The following SLC25A17 variants were observed in gnomAD, a reference collection of about 807,000 sequenced individuals.
SLC25A17 encodes the protein solute carrier family 25 member 17, also known as peroxisomal membrane protein PMP34.
Under a neutral mutation model 38.5 loss-of-function variants are expected in SLC25A17, and 26 were observed. That is an observed-to-expected ratio of 0.68 (90% CI 0.50 to 0.94). SLC25A17 has a LOEUF of 0.94. Among genes scored for constraint, SLC25A17 ranks in the 40% least tolerant of loss-of-function variants. The probability of loss-of-function intolerance (pLI) is 0.00; values close to 1 mark genes in which losing one functional copy is unlikely to be tolerated. For missense variants in SLC25A17, 333 were observed against 372.7 expected (o/e 0.89, Z 0.88); for synonymous variants, 139 against 136.2 (o/e 1.02, Z -0.14).
intron 2 of SLC25A17, among the ~76,000 whole-genome samples, chr22:40,795,200 G>A (rs553794190): frequency 6.6e-6 from 1 of 152,274 alleles, no homozygotes; most frequent in South Asian, 2.1e-4. Context: ...AATTCCCACT[G>A]CAGATCCCTT....
At chr22:40,787,065 C>T (rs7284450) in intron 4 of SLC25A17, among the ~76,000 whole-genome samples, 3,605 of 152,218 alleles carry the variant, frequency 0.024, 121 homozygotes, top group African/African-American at 0.083. Flanking sequence ...AACACTAAGA[C>T]AGAGGTAGAT....
chr22:40,817,916 G>C (rs941839302), intron 1 of SLC25A17, among the ~76,000 whole-genome samples: 37 of 152,074 alleles, frequency 2.4e-4, no homozygotes, highest in African/African-American at 8.7e-4. Context: ...CTTCATGCTG[G>C]CTGAAAGGCT....
At chr22:40,800,250 A>G (rs890246544) in intron 1 of SLC25A17, among the ~76,000 whole-genome samples, 1 of 152,196 alleles carries the variant, frequency 6.6e-6, no homozygotes, top group African/African-American at 2.4e-5. Context: ...CCACAAACAT[A>G]TATTTAGGGA....
At chr22:40,778,964 A>G (rs1313272256) in intron 5 of SLC25A17, 45 bp downstream of exon 5, 2 of 1,502,882 alleles carry the variant, frequency 1.3e-6, no homozygotes, top group Admixed American at 1.7e-5. Context: ...AGATACAAAG[A>G]AGGAAGAAAA....
chr22:40,775,749 C>T (rs2057236726), intron 7 of SLC25A17, among the ~76,000 whole-genome samples: 1 of 152,118 alleles, frequency 6.6e-6, no homozygotes, highest in Non-Finnish European at 1.5e-5. Context: ...AGGCGTGAGC[C>T]ACCGCGCCCA....
chr22:40,775,709 C>T (rs954814308), intron 7 of SLC25A17, among the ~76,000 whole-genome samples: 9 of 151,660 alleles, frequency 5.9e-5, no homozygotes, highest in African/African-American at 1.7e-4. Flanking sequence ...ATGATCCACC[C>T]GCCTCGGCCT....
intron 4 of SLC25A17, among the ~76,000 whole-genome samples, chr22:40,787,020 T>A (rs2057344332): frequency 2.0e-5 from 3 of 152,138 alleles, no homozygotes; most frequent in African/African-American, 4.8e-5. Flanking sequence ...TAGCAAAAGA[T>A]GAAGAAGAAT....
Position 40,770,617 on chromosome 22 carries a change from G to C in SLC25A17, c.*217C>G. 1 of 380,334 alleles carries C rather than the reference G, an allele frequency of 2.6e-6. No homozygotes were observed. Among genetic ancestry groups the C allele is most frequent in the Admixed American group, 4.4e-5 (1 of 22,664 alleles). The allele number at this position is 380,334 out of a possible 1,614,324, so 23.6% of individuals were successfully genotyped here. A position where few individuals can be genotyped will look rare whatever the true frequency, so the allele number is the denominator to read the frequency against. On this transcript the variant is annotated 3_prime_UTR_variant, in exon 9 of 9. Coordinates refer to ENST00000435456, the MANE Select transcript of SLC25A17 (RefSeq NM_006358.4). ...TTTCAGCAATGTTTTTTTCACATTAGTCCAACTGCCACCCCAAAATCCAAC... is the reference window on the plus strand; with the variant it reads ...TTTCAGCAATGTTTTTTTCACATTACTCCAACTGCCACCCCAAAATCCAAC...
chr22:40,792,805 C>T, intron 3 of SLC25A17, 129 bp from the exon 4 acceptor site: 1 of 774,600 alleles, frequency 1.3e-6, no homozygotes. Context: ...ACAAGGGACT[C>T]CAAACTGTAC....
chr22:40,772,017 T>TA (rs897386642), intron 8 of SLC25A17, among the ~76,000 whole-genome samples: 4,790 of 139,834 alleles, frequency 0.034, 228 homozygotes, highest in African/African-American at 0.11. Context: ...ATTAAAAAAT[T>TA]AAAAAAAAAA....
In SLC25A17 at chr22:40,794,581, C is replaced by T. The variant is rs556498736; in HGVS notation, c.116-1G>A. On this transcript the variant is annotated splice_acceptor_variant, in intron 2 of 8. Coordinates refer to ENST00000435456, the MANE Select transcript of SLC25A17 (RefSeq NM_006358.4). LOFTEE classifies it high-confidence loss of function. Reference sequence around the variant, plus strand: ...GTTTTGGATTTTCTTTTCTCATCAACTACAAGACCAAACAGTGCATGTTTA... The same window carrying T: ...GTTTTGGATTTTCTTTTCTCATCAATTACAAGACCAAACAGTGCATGTTTA... 1 of 1,603,622 alleles carries T rather than the reference C, an allele frequency of 6.2e-7. No homozygotes were observed. Among genetic ancestry groups the T allele is most frequent in the Non-Finnish European group, 8.5e-7 (1 of 1,171,060 alleles).
At chr22:40,814,747 C>T (rs1428325142) in intron 1 of SLC25A17, among the ~76,000 whole-genome samples, 4 of 127,508 alleles carry the variant, frequency 3.1e-5, no homozygotes, top group African/African-American at 6.1e-5. Flanking sequence ...AAAGGCAGTA[C>T]GTGCAGAATA....
At chr22:40,810,158 C>T (rs2145704371) in intron 1 of SLC25A17, among the ~76,000 whole-genome samples, 1 of 152,244 alleles carries the variant, frequency 6.6e-6, no homozygotes, top group African/African-American at 2.4e-5. Context: ...GTTCCTGATA[C>T]AAGAGCATCC....
At chr22:40,809,180 A>C (rs1474086958) in intron 1 of SLC25A17, among the ~76,000 whole-genome samples, 2 of 151,950 alleles carry the variant, frequency 1.3e-5, no homozygotes, top group Non-Finnish European at 2.9e-5. Flanking sequence ...ATGTATTTTT[A>C]ATGATTTTTA....
At chr22:40,771,170 C>T (rs538576431) in intron 8 of SLC25A17, among the ~76,000 whole-genome samples, 189 bp from the exon 9 acceptor site, 10 of 152,306 alleles carry the variant, frequency 6.6e-5, no homozygotes, top group African/African-American at 1.9e-4. Context: ...TGCAGTGGCG[C>T]GATCTCGGCT....
At chr22:40,798,986 C>T in intron 2 of SLC25A17, 37 bp downstream of exon 2, 3 of 1,420,540 alleles carry the variant, frequency 2.1e-6, no homozygotes, top group Middle Eastern at 1.8e-4. Context: ...TGTTTGCTTC[C>T]TGACACCATA....
intron 1 of SLC25A17, among the ~76,000 whole-genome samples, chr22:40,818,456 G>A (rs1487814358): frequency 6.6e-6 from 1 of 152,158 alleles, no homozygotes; most frequent in Non-Finnish European, 1.5e-5. Context: ...AGTGGCTCAT[G>A]CCAGCAGTTT....
At chr22:40,808,159 A>G (rs2057546495) in intron 1 of SLC25A17, among the ~76,000 whole-genome samples, 3 of 152,320 alleles carry the variant, frequency 2.0e-5, no homozygotes, top group Admixed American at 2.0e-4. Context: ...TCTAACGCTG[A>G]CAGCAATTAC....
At chr22:40,785,331 C>T (rs943778553) in intron 4 of SLC25A17, among the ~76,000 whole-genome samples, 4 of 152,218 alleles carry the variant, frequency 2.6e-5, no homozygotes, top group African/African-American at 4.8e-5. Context: ...TTGCAGTGAG[C>T]GGAGATCGCG....
Sources: allele counts gnomAD v4.1 joint callset (sites outside exome capture counted in the v4.1 genomes callset), GRCh38; gene constraint gnomAD v4.1.1; transcripts MANE v1.5; gene names NCBI Gene and HGNC (gene_info 2026-07-23, HGNC 2026-07-21).